Variants in ABCA12 observed in about 807,000 individuals in gnomAD.
ABCA12 encodes glucosylceramide transporter ABCA12.
In ABCA12, 156 loss-of-function variants were observed where a neutral mutation model predicts 293.5. The ratio of observed to expected loss-of-function variants is 0.53; its 90% confidence interval spans 0.47 to 0.61. ABCA12 has a LOEUF of 0.61. ABCA12 is among the 20% of genes least tolerant of loss of function. The pLI, the probability that ABCA12 is intolerant of heterozygous loss-of-function variation, is 0.00. For synonymous variants in ABCA12, 1,063 were observed against 1,108.0 expected, an observed-to-expected ratio of 0.96 and a Z score of 0.81; for missense variants, 2,797 against 3,090.2, an observed-to-expected ratio of 0.91 and a Z score of 2.25.
chr2:215,133,277 G>A (rs112162896), intron 1 of ABCA12, among the ~76,000 whole-genome samples: 176 of 140,978 alleles, frequency 1.2e-3, no homozygotes, highest in African/African-American at 3.9e-3. Context: ...AAATTTATCC[G>A]AATCTCTGGT....
rs1453216917 is a variant in ABCA12, at chr2:215,046,008, C to T, written c.701G>A (p.Ser234Asn). The change falls in exon 7 of 53, where the codon AGT (serine) becomes AAT (asparagine). Residue 234 changes from serine (S) to asparagine (N), a missense_variant. Coordinates refer to ENST00000272895, the MANE Select transcript of ABCA12 (RefSeq NM_173076.3). ...ELNKQFSQLSSDPNNQKIVFQ... is the reference protein window; with the variant it reads ...ELNKQFSQLSNDPNNQKIVFQ... ...CACTATCTTCTGATTGTTGGGGTCA[C>T]TGGATAGCTTAAAATATAAAACCAC... 6 of 1,613,416 alleles carry T rather than the reference C, an allele frequency of 3.7e-6. No individual in the cohort carries two copies. Among genetic ancestry groups the T allele is most frequent in the Non-Finnish European group, 5.1e-6 (6 of 1,179,688 alleles).
intron 11 of ABCA12, 151 bp from the exon 12 acceptor site, chr2:215,019,947 T>A (rs1013397970): frequency 1.0e-6 from 1 of 959,750 alleles, no homozygotes; most frequent in Non-Finnish European, 1.6e-6. Context: ...AGTTTTATTA[T>A]GAAGTACTAC....
In ABCA12 at chr2:215,011,540, G is replaced by A. The variant is rs1700372893; in HGVS notation, c.2231C>T (p.Pro744Leu). The A allele has an allele frequency of 1.2e-6, 2 of 1,613,886 alleles. No homozygotes were observed. The highest frequency in any genetic ancestry group is 8.5e-7 in the Non-Finnish European group (1 of 1,179,940). Residue 744 changes from proline to leucine, a missense_variant, in exon 17 of 53, where the codon CCC becomes CTC. This residue lies in a region of ABCA12 where 2,130 missense variants were observed against 2,427.0 expected (regional missense o/e 0.88). Transcript: ENST00000272895. ...ITTEYLTAML[P>L]SSQRPKGNHT... ...GTTGCCTTTTGGCCTCTGGGAAGAGGGCAGCATGGCAGTTAAATATTCAGT... is the reference window on the plus strand; with the variant it reads ...GTTGCCTTTTGGCCTCTGGGAAGAGAGCAGCATGGCAGTTAAATATTCAGT...
Position 214,982,364 on chromosome 2 carries a change from G to C in ABCA12, c.4402C>G (p.Leu1468Val). ...ACTCTCTTATGACGATGGCTATATA[G>C]TCCAGTATCTTTTAAAGTCCTTCAA... ...EVKRTLKDTG[L>V]YSHRHKRVGT... The change falls in exon 30 of 53, where the codon CTA (leucine) becomes GTA (valine). Residue 1468 changes from leucine to valine, a missense_variant. Physicochemically the swap from Leu to Val is conservative, Grantham distance 32 (BLOSUM62 1). Coordinates refer to ENST00000272895, the MANE Select transcript of ABCA12 (RefSeq NM_173076.3). The C allele has an allele frequency of 6.2e-7, 1 of 1,613,772 alleles. No individual in the cohort carries two copies. The highest frequency in any genetic ancestry group is 8.5e-7 in the Non-Finnish European group (1 of 1,179,848).
chr2:214,990,951 G>T lies in ABCA12; in HGVS notation c.3375C>A (p.Thr1125=). ...LIESVGFLLV[T]IVILIIILKF... ...TGAGTATAATGATGAGGATCACGAT[G>T]GTAACCAGTAAAAATCCAACACTCT... The change falls in exon 24 of 53, where the codon ACC becomes ACA. Residue 1125 remains threonine (T), a synonymous_variant. Transcript: ENST00000272895. 1 of 1,614,002 alleles carries T rather than the reference G, an allele frequency of 6.2e-7. No individual in the cohort carries two copies. The highest frequency in any genetic ancestry group is 8.5e-7 in the Non-Finnish European group (1 of 1,179,954).
chr2:215,124,177 C>T (rs1166137716), intron 1 of ABCA12, among the ~76,000 whole-genome samples: 1 of 152,126 alleles, frequency 6.6e-6, no homozygotes, highest in African/African-American at 2.4e-5. Context: ...GATTGATGGG[C>T]ATTTGGGTTG....
chr2:215,036,824 T>C, intron 8 of ABCA12, 129 bp downstream of exon 8: 5 of 816,692 alleles, frequency 6.1e-6, no homozygotes, highest in Non-Finnish European at 1.0e-5. Flanking sequence ...GATCCAGATT[T>C]ATTCATAGCA....
Position 215,024,186 on chromosome 2 carries a change from T to C in ABCA12, c.1287+1487A>G, listed in dbSNP as rs554878912. Among the ~76,000 whole-genome samples the C allele has an allele frequency of 8.5e-5, 13 of 152,326 alleles. No homozygotes were observed. In the South Asian group the frequency reaches 2.7e-3, roughly 32 times the overall value. ...ATTTCTTCTCTCCACCTCTATCCCT[T>C]ACAATCCATGTTAGATATCCCGCCT... On this transcript the variant is annotated intron_variant, in intron 11 of 52. Coordinates refer to ENST00000272895, the MANE Select transcript of ABCA12 (RefSeq NM_173076.3).
At chr2:215,050,062 C>G (rs1701287935) in intron 5 of ABCA12, among the ~76,000 whole-genome samples, 1 of 152,142 alleles carries the variant, frequency 6.6e-6, no homozygotes, top group Admixed American at 6.6e-5. Flanking sequence ...TGACTGAACT[C>G]ATTTCTTGTC....
At chr2:214,959,757 G>T (rs1349884142) in intron 39 of ABCA12, among the ~76,000 whole-genome samples, 1 of 152,118 alleles carries the variant, frequency 6.6e-6, no homozygotes, top group African/African-American at 2.4e-5. Flanking sequence ...AAATTGCTGG[G>T]ATCTCCCAGT....
intron 22 of ABCA12, among the ~76,000 whole-genome samples, chr2:215,000,372 A>G (rs1357947960): frequency 1.3e-5 from 2 of 152,138 alleles, no homozygotes; most frequent in African/African-American, 4.8e-5. Context: ...ATTTGACTAG[A>G]GGGAGGTAAG....
chr2:215,048,953 G>A (rs1376923620), intron 6 of ABCA12, among the ~76,000 whole-genome samples: 1 of 152,118 alleles, frequency 6.6e-6, no homozygotes, highest in African/African-American at 2.4e-5. Context: ...GCTACATGAC[G>A]AGAACACGTG....
intron 6 of ABCA12, 37 bp from the exon 7 acceptor site, chr2:215,046,052 CT>C: frequency 1.3e-6 from 2 of 1,596,526 alleles, no homozygotes; most frequent in Non-Finnish European, 1.7e-6. Context: ...CAAAATGAGA[CT>C]TTAACATTTG....
At chr2:215,050,492 T>C (rs1273718038) in intron 5 of ABCA12, among the ~76,000 whole-genome samples, 1 of 152,168 alleles carries the variant, frequency 6.6e-6, no homozygotes, top group African/African-American at 2.4e-5. Context: ...AGCAGTATTT[T>C]ACCCATAATG....
chr2:215,113,959 A>G (rs1279212961), intron 1 of ABCA12, among the ~76,000 whole-genome samples: 1 of 152,160 alleles, frequency 6.6e-6, no homozygotes, highest in East Asian at 1.9e-4. Context: ...AGAGACACAC[A>G]TATTACCATA....
At position 215,065,297 on chromosome 2, in the gene ABCA12, T is replaced by TAAAAAAAA. The variant is rs66466863; in HGVS notation, c.164-1086_164-1079dup. Among the ~76,000 whole-genome samples, 31 of 45,136 alleles carry TAAAAAAAA rather than the reference T, an allele frequency of 6.9e-4. 2 individuals carry two copies. Among genetic ancestry groups the TAAAAAAAA allele is most frequent in the African/African-American group, 2.2e-3 (25 of 11,388 alleles). The allele number at this position is 45,136 out of a possible 152,430, so 29.6% of individuals were successfully genotyped here. A position where few individuals can be genotyped will look rare whatever the true frequency, so the allele number is the denominator to read the frequency against. ...AAACTTTAATCTCCGCATGAATGTG[T>TAAAAAAAA]AAAAAAAAAAAAAAAAAAAAAAAAA... On this transcript the variant is annotated intron_variant, in intron 2 of 52. Transcript: ENST00000272895.
intron 38 of ABCA12, among the ~76,000 whole-genome samples, 174 bp downstream of exon 38, chr2:214,968,545 AT>A (rs1458807796): frequency 6.6e-6 from 1 of 152,130 alleles, no homozygotes; most frequent in Admixed American, 6.6e-5. Flanking sequence ...CCTGATGCTA[AT>A]GTGTACATGC....
intron 2 of ABCA12, among the ~76,000 whole-genome samples, chr2:215,087,814 C>T (rs919837457): frequency 1.4e-4 from 21 of 152,096 alleles, no homozygotes; most frequent in African/African-American, 5.1e-4. Context: ...TAAGAAAACC[C>T]TTGAGGAGCC....
intron 2 of ABCA12, among the ~76,000 whole-genome samples, chr2:215,091,667 G>A (rs936696896): frequency 2.0e-5 from 3 of 151,700 alleles, no homozygotes; most frequent in Non-Finnish European, 2.9e-5. Flanking sequence ...CCCACAACAG[G>A]ACTTACTTAA....
Sources: gnomAD v4.1 joint callset for allele counts (sites outside exome capture counted in the v4.1 genomes callset) on GRCh38, gnomAD v4.1.1 for gene constraint, gnomAD v4.1.1 regional missense constraint, MANE v1.5 for transcripts, NCBI Gene and HGNC (gene_info 2026-07-23, HGNC 2026-07-21) for gene names.